Variants in APBB2 observed in about 807,000 individuals in gnomAD.
The protein encoded by APBB2 is amyloid beta precursor protein binding family B member 2.
Under a neutral mutation model 82.5 loss-of-function variants are expected in APBB2, and 38 were observed. The observed-to-expected ratio is 0.46, with a 90% CI of 0.36 to 0.60. APBB2 has a LOEUF of 0.60. APBB2 is among the 20% of genes least tolerant of loss of function. The pLI is 0.00. For synonymous variants in APBB2, 341 were observed against 368.2 expected, an observed-to-expected ratio of 0.93 and a Z score of 0.85; for missense variants, 772 against 972.3, an observed-to-expected ratio of 0.79 and a Z score of 2.74.
intron 10 of APBB2, among the ~76,000 whole-genome samples, chr4:40,929,306 A>T (rs142195500): frequency 6.6e-6 from 1 of 152,126 alleles, no homozygotes; most frequent in Non-Finnish European, 1.5e-5. Flanking sequence ...ATAAGGGGAA[A>T]TTATTTATTT....
chr4:41,181,678 G>C (rs115585706), intron 1 of APBB2, among the ~76,000 whole-genome samples: 2,963 of 152,230 alleles, frequency 0.019, 90 homozygotes, highest in African/African-American at 0.069. Context: ...GGGCACAGTG[G>C]CTCACGCCTA....
chr4:41,070,182 A>T (rs529369439), intron 3 of APBB2, among the ~76,000 whole-genome samples: 3 of 152,292 alleles, frequency 2.0e-5, no homozygotes, highest in Admixed American at 6.5e-5. Flanking sequence ...TGAAAATTTT[A>T]AAAATTCACC....
In APBB2 at chr4:40,827,228, G is replaced by A; in HGVS notation, c.1645-9C>T. The A allele has an allele frequency of 1.2e-6, 2 of 1,613,800 alleles. No individual in the cohort carries two copies. The highest frequency in any genetic ancestry group is 2.2e-5 in the South Asian group (2 of 91,076). On this transcript the variant is annotated splice_polypyrimidine_tract_variant and intron_variant, in intron 13 of 17. Coordinates refer to ENST00000508593, the MANE Select transcript of APBB2 (RefSeq NM_004307.2). ...TTCCGTTCAGCCATAATCTAAGGGGGAAAAAGTGCAGCTTTGGAGCGTGGG... is the reference window on the plus strand; with the variant it reads ...TTCCGTTCAGCCATAATCTAAGGGGAAAAAAGTGCAGCTTTGGAGCGTGGG...
At chr4:40,945,119 T>C (rs758896416) in intron 6 of APBB2, 46 bp from the exon 7 acceptor site, 3 of 1,368,434 alleles carry the variant, frequency 2.2e-6, no homozygotes, top group African/African-American at 1.4e-5. Context: ...GAGAATTTTA[T>C]TAAAAGAATG....
chr4:41,183,257 T>C (rs2154065190), intron 1 of APBB2, among the ~76,000 whole-genome samples: 1 of 152,326 alleles, frequency 6.6e-6, no homozygotes, highest in Non-Finnish European at 1.5e-5. Context: ...ATGACTCTGC[T>C]TCCTCCTTTC....
At chr4:41,191,304 T>C (rs1302474750) in intron 1 of APBB2, among the ~76,000 whole-genome samples, 1 of 152,164 alleles carries the variant, frequency 6.6e-6, no homozygotes, top group Non-Finnish European at 1.5e-5. Context: ...ACCACGTGGC[T>C]AGGTTATGAA....
chr4:40,902,629 G>A (rs934157433), intron 10 of APBB2, among the ~76,000 whole-genome samples: 2 of 152,122 alleles, frequency 1.3e-5, no homozygotes, highest in Non-Finnish European at 1.5e-5. Context: ...GACCTCCCAG[G>A]CTCAAGCAAT....
At chr4:41,143,796 G>C (rs1432246220) in intron 1 of APBB2, among the ~76,000 whole-genome samples, 1 of 152,114 alleles carries the variant, frequency 6.6e-6, no homozygotes, top group Admixed American at 6.5e-5. Flanking sequence ...TCCTAATAGA[G>C]GAAATTATAT....
Position 40,816,182 on chromosome 4 carries a change from T to G in APBB2, c.2190A>C (p.Val730=), listed in dbSNP as rs1560589608. ...VRPPPPPADS[V]TRRVTTNVKR... Reference sequence around the variant, plus strand: ...TTACATTGGTTGTGACTCTTCTGGTTACTGAATCTGCTGGCGGTGGAGGTG... The same window carrying G: ...TTACATTGGTTGTGACTCTTCTGGTGACTGAATCTGCTGGCGGTGGAGGTG... Residue 730 remains valine (V), a synonymous_variant, in exon 18 of 18, where the codon GTA becomes GTC. Transcript: ENST00000508593. 1 of 1,614,256 alleles carries G rather than the reference T, an allele frequency of 6.2e-7. No homozygotes were observed. Among genetic ancestry groups the G allele is most frequent in the Non-Finnish European group, 8.5e-7 (1 of 1,180,052 alleles).
chr4:41,004,618 T>C (rs926468558), intron 6 of APBB2, among the ~76,000 whole-genome samples: 2 of 151,686 alleles, frequency 1.3e-5, no homozygotes, highest in Admixed American at 6.6e-5. Flanking sequence ...GGGTGGATCA[T>C]GAGGTCAGGA....
chr4:40,886,486 G>C lies in APBB2; in HGVS notation c.1529+3878C>G, dbSNP rs144177017. ...CAACAGTGAAACTCCATCTCAAAAA[G>C]AGAAAAAAAAAACAAAAGAAATTAT... On this transcript the variant is annotated intron_variant, in intron 12 of 17. Coordinates refer to ENST00000508593, the MANE Select transcript of APBB2 (RefSeq NM_004307.2). 2.1e-3 allele frequency among the ~76,000 whole-genome samples: 311 copies of C among 149,778 alleles called. 9 individuals are homozygous for C. The East Asian group carries it at 0.051, about 25-fold the overall frequency.
intron 2 of APBB2, among the ~76,000 whole-genome samples, chr4:41,108,301 T>A (rs79142473): frequency 0.014 from 2,153 of 152,290 alleles, 31 homozygotes; most frequent in East Asian, 0.034. Flanking sequence ...GAGCTAATGG[T>A]TGAAAAGAAA....
chr4:41,211,973 C>T (rs866113179), intron 1 of APBB2, among the ~76,000 whole-genome samples: 7 of 152,102 alleles, frequency 4.6e-5, no homozygotes, highest in African/African-American at 1.2e-4. Flanking sequence ...AGCCCAGTAT[C>T]TATTAGCTAT....
intron 12 of APBB2, among the ~76,000 whole-genome samples, chr4:40,837,418 C>T (rs534057282): frequency 1.3e-5 from 2 of 152,336 alleles, no homozygotes; most frequent in South Asian, 2.1e-4. Flanking sequence ...ACTCATTAAC[C>T]GGGCGCCTCA....
At position 41,083,952 on chromosome 4, in the gene APBB2, T is replaced by C. The variant is rs895652848; in HGVS notation, c.-149+16687A>G. The stretch of plus-strand genomic sequence containing the variant: ...GTGAATCATAGCTGCAAAATGTCAG[T>C]GATTGCAAGATATATCAAATTTTAA... On this transcript the variant is annotated intron_variant, in intron 3 of 17. Coordinates refer to ENST00000508593, the MANE Select transcript of APBB2 (RefSeq NM_004307.2). Among the ~76,000 whole-genome samples the C allele has an allele frequency of 2.3e-4, 35 of 152,052 alleles. 1 individual carries two copies. Among genetic ancestry groups the C allele is most frequent in the Non-Finnish European group, 4.4e-4 (30 of 68,012 alleles).
At chr4:41,167,832 T>C (rs533017963) in intron 1 of APBB2, among the ~76,000 whole-genome samples, 1 of 152,210 alleles carries the variant, frequency 6.6e-6, no homozygotes, top group Non-Finnish European at 1.5e-5. Context: ...CACATCATTC[T>C]GGAAACTACT....
chr4:41,213,382 C>A (rs1779815840), intron 1 of APBB2, among the ~76,000 whole-genome samples: 1 of 152,102 alleles, frequency 6.6e-6, no homozygotes, highest in Non-Finnish European at 1.5e-5. Flanking sequence ...CCTTATTCTC[C>A]TCTCAATTTT....
At chr4:41,173,907 C>T (rs1016997309) in intron 1 of APBB2, among the ~76,000 whole-genome samples, 1 of 152,114 alleles carries the variant, frequency 6.6e-6, no homozygotes, top group African/African-American at 2.4e-5. Context: ...TGCCACAATA[C>T]CCAGAAGCTA....
chr4:41,123,074 C>T (rs903352957), intron 2 of APBB2, among the ~76,000 whole-genome samples: 11 of 152,140 alleles, frequency 7.2e-5, no homozygotes, highest in African/African-American at 2.7e-4. Context: ...CCCAGCACCA[C>T]ATCTCCAGCA....
Sources: allele counts gnomAD v4.1 joint callset (sites outside exome capture counted in the v4.1 genomes callset), GRCh38; gene constraint gnomAD v4.1.1; transcripts MANE v1.5; gene names NCBI Gene and HGNC (gene_info 2026-07-23, HGNC 2026-07-21).